FARP1: variants seen among roughly 807,000 people sequenced by gnomAD.
The protein encoded by FARP1 is FERM, ARHGEF and pleckstrin domain-containing protein 1.
Under a neutral mutation model 128.8 loss-of-function variants are expected in FARP1, and 52 were observed. The observed-to-expected ratio is 0.40, with a 90% CI of 0.32 to 0.51. The LOEUF is 0.51. Ranked by LOEUF, FARP1 falls within the 20% of genes least tolerant of loss-of-function variation. The probability of loss-of-function intolerance (pLI) is 0.45; values close to 1 mark genes in which losing one functional copy is unlikely to be tolerated. For synonymous variants in FARP1, 580 were observed against 551.8 expected (o/e 1.05, Z -0.72); for missense variants, 1,333 against 1,367.9 (o/e 0.97, Z 0.40).
At chr13:98,400,759 C>A (rs1890730649) in intron 13 of FARP1, 1 of 152,198 alleles carries the variant, frequency 6.6e-6, no homozygotes, top group African/African-American at 2.4e-5. Flanking sequence ...CTCTGATGGT[C>A]ATGGACTTAG....
At chr13:98,251,205 C>G (rs1883305982) in intron 2 of FARP1, among the ~76,000 whole-genome samples, 1 of 152,166 alleles carries the variant, frequency 6.6e-6, no homozygotes, top group South Asian at 2.1e-4. Context: ...CCTGGATGCC[C>G]ATTTCTCAAA....
At chr13:98,305,980 T>C (rs1406887982) in intron 2 of FARP1, among the ~76,000 whole-genome samples, 1 of 152,120 alleles carries the variant, frequency 6.6e-6, no homozygotes, top group Non-Finnish European at 1.5e-5. Flanking sequence ...AACTCCACGC[T>C]TTGCTGTCTG....
chr13:98,197,607 A>AG (rs373768229), intron 1 of FARP1, among the ~76,000 whole-genome samples: 104 of 152,208 alleles, frequency 6.8e-4, no homozygotes, highest in African/African-American at 2.3e-3. Context: ...AAAATGGTAG[A>AG]GGGCAGGAGA....
chr13:98,294,978 T>C (rs571210725), intron 2 of FARP1, among the ~76,000 whole-genome samples: 1 of 147,818 alleles, frequency 6.8e-6, no homozygotes, highest in Non-Finnish European at 1.5e-5. Context: ...GATCACACCA[T>C]TGCACTCCAG....
intron 6 of FARP1, chr13:98,381,528 T>C (rs1226870822): frequency 6.6e-6 from 1 of 152,184 alleles, no homozygotes; most frequent in African/African-American, 2.4e-5. Context: ...AACTTAATTT[T>C]CTCTAATTTA....
At chr13:98,366,958 G>A (rs1889113162) in intron 4 of FARP1, among the ~76,000 whole-genome samples, 1 of 152,094 alleles carries the variant, frequency 6.6e-6, no homozygotes, top group Non-Finnish European at 1.5e-5. Context: ...ATAGTGAAAA[G>A]TAAAACAGAC....
At chr13:98,256,952 T>TATAC (rs1883633993) in intron 2 of FARP1, among the ~76,000 whole-genome samples, 2 of 31,904 alleles carry the variant, frequency 6.3e-5, no homozygotes, top group Non-Finnish European at 9.7e-5. Context: ...TATGTGGATA[T>TATAC]ATATATATAT....
At chr13:98,187,544 A>G (rs1878958945) in intron 1 of FARP1, among the ~76,000 whole-genome samples, 1 of 152,126 alleles carries the variant, frequency 6.6e-6, no homozygotes, top group South Asian at 2.1e-4. Flanking sequence ...TCCTGGGGAG[A>G]AATAGAGAAA....
At chr13:98,345,325 G>T in intron 3 of FARP1, among the ~76,000 whole-genome samples, 1 of 152,206 alleles carries the variant, frequency 6.6e-6, no homozygotes, top group Non-Finnish European at 1.5e-5. Flanking sequence ...CACAGCTGAG[G>T]GCGCTAAGAT....
chr13:98,208,242 C>T (rs938487759), intron 1 of FARP1, among the ~76,000 whole-genome samples: 1 of 151,486 alleles, frequency 6.6e-6, no homozygotes, highest in African/African-American at 2.4e-5. Context: ...GTAATCCCAG[C>T]ACTTGGATCA....
At chr13:98,448,005 C>T in intron 26 of FARP1, 1 of 572,734 alleles carries the variant, frequency 1.7e-6, no homozygotes, top group Non-Finnish European at 3.1e-6. Flanking sequence ...CGGGCAGTGT[C>T]ACTGCAGCAA....
chr13:98,433,094 A>T (rs903755819), intron 18 of FARP1: 24 of 152,292 alleles, frequency 1.6e-4, no homozygotes, highest in African/African-American at 5.8e-4. Flanking sequence ...AGACCGGAAC[A>T]TTGCCAAAAG....
At chr13:98,190,893 T>C (rs535180241) in intron 1 of FARP1, among the ~76,000 whole-genome samples, 1 of 152,306 alleles carries the variant, frequency 6.6e-6, no homozygotes, top group Non-Finnish European at 1.5e-5. Context: ...TCCATGATTT[T>C]CTTTTTTAAA....
At chr13:98,371,042 C>G (rs998426417) in intron 5 of FARP1, among the ~76,000 whole-genome samples, 5 of 152,050 alleles carry the variant, frequency 3.3e-5, no homozygotes, top group African/African-American at 1.2e-4. Flanking sequence ...ACTGCATTGC[C>G]CTGAGCTCTG....
At chr13:98,209,111 C>G (rs1001290300) in intron 1 of FARP1, among the ~76,000 whole-genome samples, 15 of 152,278 alleles carry the variant, frequency 9.9e-5, no homozygotes, top group African/African-American at 3.6e-4. Flanking sequence ...CGGGTTCACG[C>G]CATTCTCCTG....
chr13:98,244,559 C>T, intron 2 of FARP1: 2 of 1,614,170 alleles, frequency 1.2e-6, no homozygotes, highest in Non-Finnish European at 1.7e-6. Flanking sequence ...TGAGATGCTC[C>T]ATGAAGCCCA....
rs1878367813 is a variant in FARP1 at position 98,179,745 on chromosome 13, T to C, written c.-23-33475T>C. Among the ~76,000 whole-genome samples the C allele has an allele frequency of 2.0e-5, 3 of 152,066 alleles. 1 individual carries two copies. The South Asian group carries it at 6.2e-4, about 32-fold the overall frequency. On this transcript the variant is annotated intron_variant, in intron 1 of 26. Transcript: ENST00000319562. ...GGTGGCGGGTGCCTGTAGCCCCAGC[T>C]ACTCGGAAGGCTGAGGCAGGAGAAT... is the stretch of plus-strand genomic sequence containing the variant.
In FARP1 at chr13:98,373,532, A is replaced by G. The variant is rs9584821; in HGVS notation, c.399-4289A>G. On this transcript the variant is annotated intron_variant, in intron 5 of 26. Transcript: ENST00000319562. ...TTTGACTTTCCAGAGACAGACAGACAGACACACACACACACACACACACAC... is the reference window on the plus strand; with the variant it reads ...TTTGACTTTCCAGAGACAGACAGACGGACACACACACACACACACACACAC... Among the ~76,000 whole-genome samples, 842 of 114,696 alleles carry G rather than the reference A, an allele frequency of 7.3e-3. 13 individuals carry two copies. The highest frequency in any genetic ancestry group is 0.031 in the African/African-American group (804 of 25,970). The allele number at this position is 114,696 out of a possible 152,430, so 75.2% of individuals were successfully genotyped here. A position where few individuals can be genotyped will look rare whatever the true frequency, so the allele number is the denominator to read the frequency against.
chr13:98,190,599 G>A (rs1879159000), intron 1 of FARP1, among the ~76,000 whole-genome samples: 1 of 152,142 alleles, frequency 6.6e-6, no homozygotes, highest in African/African-American at 2.4e-5. Flanking sequence ...GTCTCGCTCT[G>A]TTACTGAGGC....
Sources: allele counts gnomAD v4.1 joint callset (sites outside exome capture counted in the v4.1 genomes callset), GRCh38; gene constraint gnomAD v4.1.1; transcripts MANE v1.5; gene names NCBI Gene and HGNC (gene_info 2026-07-23, HGNC 2026-07-21).